Variants in HS6ST3 observed in about 807,000 individuals in gnomAD.
HS6ST3 encodes heparan sulfate 6-O-sulfotransferase 3.
HS6ST3 carries 12 observed loss-of-function variants against 36.7 expected under a neutral mutation model. The observed-to-expected ratio is 0.33, with a 90% CI of 0.21 to 0.53. The LOEUF is 0.53. Ranked by LOEUF, HS6ST3 falls within the 20% of genes least tolerant of loss-of-function variation. The pLI, the probability that HS6ST3 is intolerant of heterozygous loss-of-function variation, is 0.95. For synonymous variants in HS6ST3, 240 were observed against 257.5 expected (o/e 0.93, Z 0.65); for missense variants, 584 against 640.9 (o/e 0.91, Z 0.96).
At chr13:96,294,845 G>T (rs899798040) in intron 1 of HS6ST3, among the ~76,000 whole-genome samples, 1 of 151,972 alleles carries the variant, frequency 6.6e-6, no homozygotes, top group Non-Finnish European at 1.5e-5. Context: ...ATGAACATGG[G>T]TTTTTTTCTG....
At chr13:96,244,651 T>C (rs1322299502) in intron 1 of HS6ST3, among the ~76,000 whole-genome samples, 1 of 152,206 alleles carries the variant, frequency 6.6e-6, no homozygotes, top group Non-Finnish European at 1.5e-5. Flanking sequence ...CTTCACCTAG[T>C]TCTAGGTAAT....
intron 1 of HS6ST3, among the ~76,000 whole-genome samples, chr13:96,129,508 G>A (rs1348787548): frequency 6.6e-6 from 1 of 152,198 alleles, no homozygotes. Flanking sequence ...ATGTCCCTGG[G>A]ATCTCTATCT....
At chr13:96,110,628 G>A (rs2139299896) in intron 1 of HS6ST3, among the ~76,000 whole-genome samples, 1 of 152,032 alleles carries the variant, frequency 6.6e-6, no homozygotes, top group East Asian at 1.9e-4. Flanking sequence ...AGTAGAGATG[G>A]GGTTTCACCA....
chr13:96,092,797 A>AT (rs1461651864), intron 1 of HS6ST3, among the ~76,000 whole-genome samples: 4 of 152,074 alleles, frequency 2.6e-5, no homozygotes, highest in Non-Finnish European at 4.4e-5. Context: ...TCATTATGAG[A>AT]TTTTTTACTC....
intron 1 of HS6ST3, among the ~76,000 whole-genome samples, chr13:96,340,368 C>T (rs945458341): frequency 6.6e-6 from 1 of 152,188 alleles, no homozygotes; most frequent in African/African-American, 2.4e-5. Flanking sequence ...TTACACTGCT[C>T]CCTTGAGCAC....
intron 1 of HS6ST3, among the ~76,000 whole-genome samples, chr13:96,745,290 C>A (rs965373244): frequency 6.6e-6 from 1 of 152,020 alleles, no homozygotes; most frequent in Non-Finnish European, 1.5e-5. Context: ...TCAATTTGAA[C>A]CTATTTCCCA....
intron 1 of HS6ST3, among the ~76,000 whole-genome samples, chr13:96,394,482 G>T (rs145266960): frequency 6.7e-4 from 102 of 152,220 alleles, no homozygotes; most frequent in African/African-American, 2.4e-3. Context: ...CAGGGCAGAG[G>T]CTCTTCAATC....
chr13:96,402,009 C>T (rs757100996), intron 1 of HS6ST3, among the ~76,000 whole-genome samples: 3 of 152,196 alleles, frequency 2.0e-5, no homozygotes, highest in Non-Finnish European at 4.4e-5. Flanking sequence ...TGTCTCACTA[C>T]ATTGCCCAGG....
At chr13:96,737,537 A>G (rs1016304844) in intron 1 of HS6ST3, among the ~76,000 whole-genome samples, 62 of 146,634 alleles carry the variant, frequency 4.2e-4, no homozygotes, top group Non-Finnish European at 7.8e-4. Context: ...AGGCAGGAGA[A>G]TGGCGTGAAC....
intron 1 of HS6ST3, among the ~76,000 whole-genome samples, chr13:96,374,254 T>C (rs2055304084): frequency 6.6e-6 from 1 of 152,238 alleles, no homozygotes; most frequent in Non-Finnish European, 1.5e-5. Context: ...AGGAAGATAA[T>C]TCAACCTAAT....
intron 1 of HS6ST3, among the ~76,000 whole-genome samples, chr13:96,102,743 C>T (rs2053823941): frequency 6.6e-6 from 1 of 152,130 alleles, no homozygotes; most frequent in African/African-American, 2.4e-5. Context: ...TAATTTCTTC[C>T]TAATAAGATA....
chr13:96,587,851 C>T (rs2056367525), intron 1 of HS6ST3, among the ~76,000 whole-genome samples: 1 of 152,168 alleles, frequency 6.6e-6, no homozygotes, highest in Non-Finnish European at 1.5e-5. Context: ...GTTGTATGGA[C>T]AATGTAACAA....
At chr13:96,404,029 G>T (rs552341283) in intron 1 of HS6ST3, among the ~76,000 whole-genome samples, 1 of 152,150 alleles carries the variant, frequency 6.6e-6, no homozygotes, top group African/African-American at 2.4e-5. Context: ...TCTTCTAATT[G>T]ATTTATTTTA....
chr13:96,778,800 C>T (rs1877456754), intron 1 of HS6ST3, among the ~76,000 whole-genome samples: 1 of 151,976 alleles, frequency 6.6e-6, no homozygotes, highest in African/African-American at 2.4e-5. Flanking sequence ...AGCATTTGAC[C>T]CAGCAATCCT....
At chr13:96,593,239 A>G (rs1378882977) in intron 1 of HS6ST3, among the ~76,000 whole-genome samples, 2 of 112,202 alleles carry the variant, frequency 1.8e-5, no homozygotes, top group Non-Finnish European at 3.3e-5. Flanking sequence ...GCTGGAGTGC[A>G]GTGGTGTGAT....
chr13:96,711,651 T>G (rs1301381768), intron 1 of HS6ST3, among the ~76,000 whole-genome samples: 1 of 152,212 alleles, frequency 6.6e-6, no homozygotes, highest in African/African-American at 2.4e-5. Context: ...AGGATGTCTC[T>G]TTATCAAACC....
At chr13:96,239,149 G>A (rs573172537) in intron 1 of HS6ST3, among the ~76,000 whole-genome samples, 1 of 152,324 alleles carries the variant, frequency 6.6e-6, no homozygotes, top group East Asian at 1.9e-4. Flanking sequence ...TTCATGCAAT[G>A]ACTCAGAATG....
intron 1 of HS6ST3, among the ~76,000 whole-genome samples, chr13:96,671,348 A>C (rs1415593623): frequency 6.6e-6 from 1 of 152,090 alleles, no homozygotes; most frequent in Non-Finnish European, 1.5e-5. Context: ...CCCTCTTCCC[A>C]GTGTGATTGA....
intron 1 of HS6ST3, among the ~76,000 whole-genome samples, chr13:96,805,601 G>T (rs1188143250): frequency 3.3e-5 from 5 of 152,170 alleles, no homozygotes; most frequent in Non-Finnish European, 4.4e-5. Flanking sequence ...TAAGCATATT[G>T]TTGGTGTTAA....
Sources: gnomAD v4.1 joint callset for allele counts (sites outside exome capture counted in the v4.1 genomes callset) on GRCh38, gnomAD v4.1.1 for gene constraint, MANE v1.5 for transcripts, NCBI Gene and HGNC (gene_info 2026-07-23, HGNC 2026-07-21) for gene names.